Variants in PLEKHF1 observed in about 807,000 individuals in gnomAD.
The protein encoded by PLEKHF1 is pleckstrin homology and FYVE domain containing 1.
Under a neutral mutation model 4.1 loss-of-function variants are expected in PLEKHF1, and 1 was observed. The ratio of observed to expected loss-of-function variants is 0.24; its 90% CI spans 0.09 to 1.15. The LOEUF (loss-of-function observed/expected upper bound fraction) is 1.15, where lower values mean the gene tolerates loss of function less well. PLEKHF1 is among the 50% of genes most tolerant of loss of function. PLEKHF1 has a pLI of 0.52. For synonymous variants in PLEKHF1, 182 were observed against 178.5 expected, an observed-to-expected ratio of 1.02 and a Z score of -0.16; for missense variants, 429 against 400.6, an observed-to-expected ratio of 1.07 and a Z score of -0.60.
rs897484268 is a variant in PLEKHF1, at chr19:29,674,189, C to T, written c.350C>T (p.Thr117Met). 6.2e-7 allele frequency: 1 copy of T among 1,613,172 alleles called. No homozygotes were observed. Among genetic ancestry groups the T allele is most frequent in the Non-Finnish European group, 8.5e-7 (1 of 1,179,868 alleles). The part of the protein sequence containing the change: ...KSFVVSAASA[T>M]ERQEWISHIE... ...TTTGTGGTGTCGGCCGCCTCCGCTA[C>T]GGAGCGCCAGGAATGGATTAGCCAC... The change falls in exon 2 of 2, where the codon ACG (threonine) becomes ATG (methionine). Residue 117 changes from threonine to methionine, a missense_variant. By Grantham distance (81) the Thr-to-Met change is moderately conservative (BLOSUM62 -1). Coordinates refer to ENST00000436066, the MANE Select transcript of PLEKHF1 (RefSeq NM_024310.5).
Position 29,674,194 on chromosome 19 carries a change from C to T in PLEKHF1, c.355C>T (p.Arg119Cys), listed in dbSNP as rs780377669. ...FVVSAASATE[R>C]QEWISHIEEC... Reference sequence around the variant, plus strand: ...GGTGTCGGCCGCCTCCGCTACGGAGCGCCAGGAATGGATTAGCCACATCGA... The same window carrying T: ...GGTGTCGGCCGCCTCCGCTACGGAGTGCCAGGAATGGATTAGCCACATCGA... Residue 119 changes from arginine (R) to cysteine (C), a missense_variant, in exon 2 of 2, where the codon CGC (arginine) becomes TGC (cysteine). Physicochemically the swap from Arg to Cys is radical, Grantham distance 180. Coordinates refer to ENST00000436066, the MANE Select transcript of PLEKHF1 (RefSeq NM_024310.5). 16 of 1,612,978 alleles carry T rather than the reference C, an allele frequency of 9.9e-6. No homozygotes were observed. Among genetic ancestry groups the T allele is most frequent in the Non-Finnish European group, 1.4e-5 (16 of 1,179,872 alleles).
Position 29,674,473 on chromosome 19 carries a change from G to C in PLEKHF1, c.634G>C (p.Ala212Pro). 1 of 1,542,022 alleles carries C rather than the reference G, an allele frequency of 6.5e-7. No homozygotes were observed. The highest frequency in any genetic ancestry group is 1.2e-5 in the South Asian group (1 of 84,230). Reference sequence around the variant, plus strand: ...CTGCAGCCTCTGCTACCGCGAACTGGCCGCCCAGCAGCGGCAGGAGGAGGC... The same window carrying C: ...CTGCAGCCTCTGCTACCGCGAACTGCCCGCCCAGCAGCGGCAGGAGGAGGC... ...RVCSLCYREL[A>P]AQQRQEEAEE... Residue 212 changes from alanine (A) to proline (P), a missense_variant, in exon 2 of 2, where the codon GCC becomes CCC. Coordinates refer to ENST00000436066, the MANE Select transcript of PLEKHF1 (RefSeq NM_024310.5).
intron 1 of PLEKHF1, chr19:29,666,891 G>A (rs2145585042): frequency 6.6e-6 from 1 of 152,412 alleles, no homozygotes; most frequent in South Asian, 2.1e-4. Context: ...CTTCCCGGAG[G>A]AGGGCCTTCC....
chr19:29,668,683 G>C (rs1329155649), intron 1 of PLEKHF1, among the ~76,000 whole-genome samples: 1 of 150,500 alleles, frequency 6.6e-6, no homozygotes, highest in Non-Finnish European at 1.5e-5. Context: ...TTGTGCCACT[G>C]TACTTCAGCC....
chr19:29,674,219 A>C lies in PLEKHF1; in HGVS notation c.380A>C (p.Glu127Ala), dbSNP rs747866343. 1 of 1,612,476 alleles carries C rather than the reference A, an allele frequency of 6.2e-7. No homozygotes were observed. Among genetic ancestry groups the C allele is most frequent in the Admixed American group, 1.7e-5 (1 of 60,016 alleles). ...TERQEWISHI[E>A]ECVRRQLRAT... ...CGCCAGGAATGGATTAGCCACATCG[A>C]GGAGTGCGTGCGGCGGCAACTGAGG... Residue 127 changes from glutamate (E) to alanine (A), a missense_variant, in exon 2 of 2, where the codon GAG (glutamate) becomes GCG (alanine). By Grantham distance (107) the Glu-to-Ala change is moderately radical. Transcript: ENST00000436066.
intron 1 of PLEKHF1, chr19:29,665,898 T>C (rs1971564350): frequency 1.3e-6 from 1 of 779,472 alleles, no homozygotes; most frequent in South Asian, 4.3e-5. Context: ...GGGACCTCTC[T>C]TCTCAGCCCC....
At chr19:29,667,975 C>G (rs980661426) in intron 1 of PLEKHF1, among the ~76,000 whole-genome samples, 2 of 152,234 alleles carry the variant, frequency 1.3e-5, no homozygotes, top group Admixed American at 6.5e-5. Flanking sequence ...TGGTGTAGCT[C>G]TCCAGCCCCT....
At chr19:29,668,418 A>G (rs896601206) in intron 1 of PLEKHF1, among the ~76,000 whole-genome samples, 1 of 131,624 alleles carries the variant, frequency 7.6e-6, no homozygotes, top group Non-Finnish European at 1.7e-5. Context: ...AGAACAATTA[A>G]AAAAAAAAAA....
At chr19:29,665,697 T>C (rs1971561294) in intron 1 of PLEKHF1, 192 bp downstream of exon 1, 4 of 1,106,244 alleles carry the variant, frequency 3.6e-6, no homozygotes, top group Non-Finnish European at 4.5e-6. Flanking sequence ...CCTGGGCGGC[T>C]TGCGGGGTGA....
rs1240022679 is a variant in PLEKHF1, at chr19:29,671,701, T to C, written c.-16-2123T>C. ...AGCCCTTCTCAGGACACTTGTGATC[T>C]GCAGGGGCAAGTGGAACGGGACTCG... On this transcript the variant is annotated intron_variant, in intron 1 of 1. Transcript: ENST00000436066. This position sits in a 1 kb window ranked among gnomAD's most constrained non-coding sequence, Gnocchi z 4.0. 1.3e-5 allele frequency among the ~76,000 whole-genome samples: 2 copies of C among 152,214 alleles called. No individual in the cohort carries two copies. Among genetic ancestry groups the C allele is most frequent in the Admixed American group, 6.5e-5 (1 of 15,280 alleles).
chr19:29,674,151 G>A lies in PLEKHF1; in HGVS notation c.312G>A (p.Thr104=), dbSNP rs1317967017. 7 of 1,613,718 alleles carry A rather than the reference G, an allele frequency of 4.3e-6. No homozygotes were observed. The South Asian group carries it at 4.4e-5, about 10-fold the overall frequency. The change falls in exon 2 of 2, where the codon ACG becomes ACA. Residue 104 remains threonine (T), a synonymous_variant. Transcript: ENST00000436066. ...LQAKNRWMIK[T]AKKSFVVSAA... is the part of the protein sequence containing the mutation. ...CCAAGAACCGCTGGATGATCAAGAC[G>A]GCCAAGAAGTCCTTTGTGGTGTCGG... is the stretch of plus-strand genomic sequence containing the variant.
At position 29,671,109 on chromosome 19, in the gene PLEKHF1, T is replaced by G. The variant is rs866880241; in HGVS notation, c.-16-2715T>G. ...TGTTTTGTTTTTTTCCCCTCCTTTT[T>G]TTTTTTTTGAGATGGAATCTCACTC... On this transcript the variant is annotated intron_variant, in intron 1 of 1. Coordinates refer to ENST00000436066, the MANE Select transcript of PLEKHF1 (RefSeq NM_024310.5). This position sits in a 1 kb window ranked among gnomAD's most constrained non-coding sequence, Gnocchi z 4.0. Among the ~76,000 whole-genome samples, 2 of 151,794 alleles carry G rather than the reference T, an allele frequency of 1.3e-5. No individual in the cohort carries two copies. The highest frequency in any genetic ancestry group is 2.9e-5 in the Non-Finnish European group (2 of 67,900).
In PLEKHF1 at chr19:29,674,877, T is replaced by G. The variant is rs958854143; in HGVS notation, c.*198T>G. On this transcript the variant is annotated 3_prime_UTR_variant, in exon 2 of 2. Transcript: ENST00000436066. ...TATGGCTTCACTGCAGGTAATGCCTTTCCCTTCAGGAAGCCCCAGAACACC... is the reference window on the plus strand; with the variant it reads ...TATGGCTTCACTGCAGGTAATGCCTGTCCCTTCAGGAAGCCCCAGAACACC... The G allele has an allele frequency of 6.4e-6, 5 of 783,346 alleles. No homozygotes were observed. The highest frequency in any genetic ancestry group is 9.8e-6 in the Non-Finnish European group (5 of 512,734). The allele number at this position is 783,346 out of a possible 1,614,324, so 48.5% of individuals were successfully genotyped here.
Position 29,674,826 on chromosome 19 carries a change from T to G in PLEKHF1, c.*147T>G. ...GGAGTGGCTCTTTCTGGACTCCCAGTGCCTTTTTGCTGGACACTGTGTCCT... is the reference window on the plus strand; with the variant it reads ...GGAGTGGCTCTTTCTGGACTCCCAGGGCCTTTTTGCTGGACACTGTGTCCT... On this transcript the variant is annotated 3_prime_UTR_variant, in exon 2 of 2. Transcript: ENST00000436066. 1.6e-6 allele frequency: 2 copies of G among 1,231,498 alleles called. No individual in the cohort carries two copies. The highest frequency in any genetic ancestry group is 2.2e-6 in the Non-Finnish European group (2 of 904,748). The allele number at this position is 1,231,498 out of a possible 1,614,324, so 76.3% of individuals were successfully genotyped here. A position where few individuals can be genotyped will look rare whatever the true frequency, so the allele number is the denominator to read the frequency against.
chr19:29,665,864 G>C lies in PLEKHF1; in HGVS notation c.-17+359G>C, dbSNP rs1971563790. 20 of 994,470 alleles carry C rather than the reference G, an allele frequency of 2.0e-5. No individual in the cohort carries two copies. The South Asian group carries it at 6.1e-4, about 30-fold the overall frequency. The allele number at this position is 994,470 out of a possible 1,614,324, so 61.6% of individuals were successfully genotyped here. A position where few individuals can be genotyped will look rare whatever the true frequency, so the allele number is the denominator to read the frequency against. On this transcript the variant is annotated intron_variant, in intron 1 of 1. Coordinates refer to ENST00000436066, the MANE Select transcript of PLEKHF1 (RefSeq NM_024310.5). ...CACCCGGTCGCTGGTGGTGTTTCCG[G>C]GATCCTGGCCTCGTGTGGCCGCCGG...
intron 1 of PLEKHF1, among the ~76,000 whole-genome samples, chr19:29,666,528 G>C (rs1190833160): frequency 2.0e-5 from 3 of 152,222 alleles, no homozygotes; most frequent in Admixed American, 2.0e-4. Flanking sequence ...GTGTGGCCTG[G>C]AGGGTGGGAC....
Position 29,674,446 on chromosome 19 carries a change from G to T in PLEKHF1, c.607G>T (p.Val203Phe). The T allele has an allele frequency of 1.3e-6, 2 of 1,535,144 alleles. No individual in the cohort carries two copies. Among genetic ancestry groups the T allele is most frequent in the African/African-American group, 1.4e-5 (1 of 73,042 alleles). ...LPRLSPKPVR[V>F]CSLCYRELAA... is the part of the protein sequence containing the mutation. ...GCGCCTGTCCCCCAAGCCCGTGCGC[G>T]TCTGCAGCCTCTGCTACCGCGAACT... is the stretch of plus-strand genomic sequence containing the variant. Residue 203 changes from valine to phenylalanine, a missense_variant, in exon 2 of 2, where the codon GTC (valine) becomes TTC (phenylalanine). Transcript: ENST00000436066.
rs776399755 is a variant in PLEKHF1, at chr19:29,674,303, C to T, written c.464C>T (p.Thr155Met). The T allele has an allele frequency of 1.9e-5, 30 of 1,591,116 alleles. No homozygotes were observed. The Admixed American group carries it at 2.4e-4, about 13-fold the overall frequency. ...HAAPWIPDKA[T>M]DICMRCTQTR... is the part of the protein sequence containing the mutation. ...GCACCCTGGATCCCCGACAAGGCCACGGACATCTGCATGCGCTGCACGCAG... is the reference window on the plus strand; with the variant it reads ...GCACCCTGGATCCCCGACAAGGCCATGGACATCTGCATGCGCTGCACGCAG... The change falls in exon 2 of 2, where the codon ACG becomes ATG. Residue 155 changes from threonine to methionine, a missense_variant. Physicochemically the swap from Thr to Met is moderately conservative, Grantham distance 81. Transcript: ENST00000436066.
At chr19:29,668,157 T>C (rs1971590477) in intron 1 of PLEKHF1, among the ~76,000 whole-genome samples, 1 of 152,196 alleles carries the variant, frequency 6.6e-6, no homozygotes, top group East Asian at 1.9e-4. Context: ...CCCACCCCTC[T>C]GAACCCTCAA....
Sources: gnomAD v4.1 joint callset for allele counts (sites outside exome capture counted in the v4.1 genomes callset) on GRCh38, gnomAD v4.1.1 for gene constraint, Gnocchi (gnomAD v3.1) non-coding constraint, MANE v1.5 for transcripts, NCBI Gene and HGNC (gene_info 2026-07-23, HGNC 2026-07-21) for gene names.